SNX29: variants seen among roughly 807,000 people sequenced by gnomAD.
SNX29 encodes the protein sorting nexin-29.
Under a neutral mutation model 102.1 loss-of-function variants are expected in SNX29, and 78 were observed. That is an observed-to-expected ratio of 0.76 (90% CI 0.64 to 0.92). The LOEUF is 0.92. SNX29 is among the 40% of genes least tolerant of loss of function. The pLI is 0.00. For synonymous variants in SNX29, 580 were observed against 414.5 expected (o/e 1.40, Z -4.85); for missense variants, 1,280 against 1,061.7 (o/e 1.21, Z -2.86).
intron 20 of SNX29, among the ~76,000 whole-genome samples, chr16:12,544,974 TTGAG>T (rs554270782): frequency 3.9e-4 from 59 of 152,198 alleles, no homozygotes; most frequent in Non-Finnish European, 4.7e-4. Flanking sequence ...CTCAGAGAGA[TTGAG>T]TAACTTGTCC....
chr16:12,221,129 A>G (rs1462054650), intron 14 of SNX29, among the ~76,000 whole-genome samples: 1 of 150,366 alleles, frequency 6.7e-6, no homozygotes, highest in Non-Finnish European at 1.5e-5. Flanking sequence ...CTTCTTCTTC[A>G]TTCCACTCGG....
Position 12,571,545 on chromosome 16 carries a change from G to A in SNX29, c.*2916G>A, listed in dbSNP as rs899741137. The A allele has an allele frequency of 1.7e-5, 16 of 938,396 alleles. No individual in the cohort carries two copies. The South Asian group carries it at 4.1e-4, about 24-fold the overall frequency. 58.1% of individuals were successfully genotyped at this position (938,396 alleles called of 1,614,324 possible). On this transcript the variant is annotated 3_prime_UTR_variant, in exon 21 of 21. Coordinates refer to ENST00000566228, the MANE Select transcript of SNX29 (RefSeq NM_032167.5). ...TTCCTGGGACCACCCTTTGCTGGGA[G>A]GAAGAATCCACACCGAATCCTTCTG...
chr16:12,481,998 C>A (rs1433832112), intron 19 of SNX29, among the ~76,000 whole-genome samples: 2 of 152,226 alleles, frequency 1.3e-5, no homozygotes, highest in African/African-American at 4.8e-5. Flanking sequence ...GAACCTTCAA[C>A]ACCCAACAGG....
At chr16:12,187,360 G>A (rs532370292) in intron 13 of SNX29, among the ~76,000 whole-genome samples, 4 of 152,158 alleles carry the variant, frequency 2.6e-5, no homozygotes, top group Non-Finnish European at 5.9e-5. Flanking sequence ...AGGAGTTTCA[G>A]TCTGGCCAGC....
At chr16:12,001,812 G>A (rs1310468992) in intron 2 of SNX29, among the ~76,000 whole-genome samples, 1 of 152,204 alleles carries the variant, frequency 6.6e-6, no homozygotes, top group South Asian at 2.1e-4. Flanking sequence ...GAGGCCAGGG[G>A]TGTGAGACCA....
intron 18 of SNX29, among the ~76,000 whole-genome samples, chr16:12,437,050 C>T (rs1397751752): frequency 6.6e-6 from 1 of 152,210 alleles, no homozygotes; most frequent in Non-Finnish European, 1.5e-5. Context: ...AGTAGCAAAC[C>T]TGAGATTCTG....
chr16:12,325,762 T>A (rs1047402565), intron 15 of SNX29, among the ~76,000 whole-genome samples: 1 of 152,060 alleles, frequency 6.6e-6, no homozygotes, highest in Non-Finnish European at 1.5e-5. Flanking sequence ...CACAGGGGGT[T>A]ATGCCTGTGA....
chr16:12,079,131 A>G (rs1185668989), intron 11 of SNX29, among the ~76,000 whole-genome samples: 2 of 152,246 alleles, frequency 1.3e-5, no homozygotes, highest in East Asian at 1.9e-4. Flanking sequence ...GGCGTGCCTC[A>G]GGATGGAGCA....
chr16:12,517,490 A>G (rs1234614099), intron 19 of SNX29, among the ~76,000 whole-genome samples: 1 of 152,126 alleles, frequency 6.6e-6, no homozygotes, highest in Admixed American at 6.5e-5. Context: ...ACCACCAGGG[A>G]TCTTTGTTCT....
chr16:12,504,569 C>T (rs1337613761), intron 19 of SNX29, among the ~76,000 whole-genome samples: 2 of 152,202 alleles, frequency 1.3e-5, no homozygotes, highest in Non-Finnish European at 2.9e-5. Flanking sequence ...TGTATCAGTG[C>T]AGTAACCCCC....
chr16:12,120,637 T>C lies in SNX29; in HGVS notation c.1403-5996T>C, dbSNP rs966723383. Among the ~76,000 whole-genome samples, 5 of 152,252 alleles carry C rather than the reference T, an allele frequency of 3.3e-5. No individual in the cohort carries two copies. In the South Asian group the frequency reaches 6.2e-4, roughly 19 times the overall value. ...GCCTCCGAGGCCGTAATCATTTGTGTGAATGGGCCTGTGCGTCATCTGGCT... is the reference window on the plus strand; with the variant it reads ...GCCTCCGAGGCCGTAATCATTTGTGCGAATGGGCCTGTGCGTCATCTGGCT... On this transcript the variant is annotated intron_variant, in intron 11 of 20. Coordinates refer to ENST00000566228, the MANE Select transcript of SNX29 (RefSeq NM_032167.5).
intron 10 of SNX29, among the ~76,000 whole-genome samples, chr16:12,075,767 A>C (rs1047915392): frequency 2.6e-5 from 4 of 152,212 alleles, no homozygotes; most frequent in African/African-American, 9.6e-5. Context: ...CTGCCCCCAG[A>C]GGTGGAGCCT....
Position 12,568,802 on chromosome 16 carries a change from C to T in SNX29, c.*173C>T, listed in dbSNP as rs906210328. 3.6e-5 allele frequency: 37 copies of T among 1,028,106 alleles called. No homozygotes were observed. The highest frequency in any genetic ancestry group is 4.8e-5 in the Non-Finnish European group (35 of 727,916). 63.7% of individuals were successfully genotyped at this position (1,028,106 alleles called of 1,614,324 possible). A position where few individuals can be genotyped will look rare whatever the true frequency, so the allele number is the denominator to read the frequency against. Reference sequence around the variant, plus strand: ...CGATTAAACTAATCAGTCTTCGAGCCGCATGATACCGTGACCCGAGAGACC... The same window carrying T: ...CGATTAAACTAATCAGTCTTCGAGCTGCATGATACCGTGACCCGAGAGACC... On this transcript the variant is annotated 3_prime_UTR_variant, in exon 21 of 21. Transcript: ENST00000566228.
At chr16:12,536,791 C>T (rs1445675244) in intron 20 of SNX29, among the ~76,000 whole-genome samples, 2 of 152,124 alleles carry the variant, frequency 1.3e-5, no homozygotes, top group African/African-American at 2.4e-5. Flanking sequence ...GCCTGGCCAA[C>T]ATGGTAAAAC....
chr16:12,251,516 A>T (rs2078421668), intron 14 of SNX29, among the ~76,000 whole-genome samples: 1 of 152,154 alleles, frequency 6.6e-6, no homozygotes, highest in Non-Finnish European at 1.5e-5. Context: ...AATCCTGGCC[A>T]ACATGGTAAA....
chr16:12,371,896 T>TC (rs2082697403), intron 16 of SNX29, among the ~76,000 whole-genome samples: 2 of 152,246 alleles, frequency 1.3e-5, no homozygotes, highest in Admixed American at 1.3e-4. Flanking sequence ...CAGCATTTGC[T>TC]CCTCCTGTTC....
At chr16:12,029,886 C>G (rs1368584397) in intron 4 of SNX29, among the ~76,000 whole-genome samples, 2 of 152,180 alleles carry the variant, frequency 1.3e-5, no homozygotes, top group African/African-American at 4.8e-5. Context: ...GCCACCACGC[C>G]TGGCTGGAAT....
At chr16:12,133,281 GTTTT>G (rs57733463) in intron 13 of SNX29, among the ~76,000 whole-genome samples, 66 of 66,894 alleles carry the variant, frequency 9.9e-4, no homozygotes, top group East Asian at 4.0e-3. Flanking sequence ...CTTAGTGTGG[GTTTT>G]TTTTTTTTTT....
intron 7 of SNX29, among the ~76,000 whole-genome samples, chr16:12,051,448 G>A (rs1352875233): frequency 6.6e-6 from 1 of 152,108 alleles, no homozygotes; most frequent in Non-Finnish European, 1.5e-5. Flanking sequence ...GCATTGCACA[G>A]GAATGGCAGG....
Sources: allele counts gnomAD v4.1 joint callset (sites outside exome capture counted in the v4.1 genomes callset), GRCh38; gene constraint gnomAD v4.1.1; transcripts MANE v1.5; gene names NCBI Gene and HGNC (gene_info 2026-07-23, HGNC 2026-07-21).